GLCE: variants seen among roughly 807,000 people sequenced by gnomAD.
The protein encoded by GLCE is D-glucuronyl C5-epimerase.
A neutral mutation model predicts 47.9 loss-of-function variants in GLCE; 19 were observed. The ratio of observed to expected loss-of-function variants is 0.40; its 90% CI spans 0.28 to 0.58. GLCE has a LOEUF of 0.58. Ranked by LOEUF, GLCE falls within the 20% of genes least tolerant of loss-of-function variation. GLCE has a pLI of 0.48. For missense variants in GLCE, 556 were observed against 743.3 expected, an observed-to-expected ratio of 0.75 and a Z score of 2.93; for synonymous variants, 245 against 263.4, an observed-to-expected ratio of 0.93 and a Z score of 0.68.
intron 4 of GLCE, among the ~76,000 whole-genome samples, chr15:69,263,714 G>T (rs538007636): frequency 5.3e-5 from 8 of 152,030 alleles, no homozygotes; most frequent in Admixed American, 5.2e-4. Flanking sequence ...CAGGCTTCTT[G>T]GGAGCTTCTC....
At chr15:69,167,145 C>T (rs932557097) in intron 1 of GLCE, among the ~76,000 whole-genome samples, 5 of 151,868 alleles carry the variant, frequency 3.3e-5, no homozygotes, top group South Asian at 2.1e-4. Context: ...GAACCCGGGA[C>T]GCAGAGGTTG....
intron 2 of GLCE, among the ~76,000 whole-genome samples, chr15:69,220,022 T>TC (rs2140387713): frequency 6.6e-6 from 1 of 152,294 alleles, no homozygotes; most frequent in East Asian, 1.9e-4. Flanking sequence ...GTCCTCAAGG[T>TC]TCATCTATGT....
rs2053116995 is a variant in GLCE at position 69,268,435 on chromosome 15, A to T, written c.1045A>T (p.Thr349Ser). The T allele has an allele frequency of 1.2e-6, 2 of 1,613,938 alleles. No homozygotes were observed. Among genetic ancestry groups the T allele is most frequent in the South Asian group, 2.2e-5 (2 of 91,080 alleles). ...CATTGGGCCCAGAACTTCATGGAGC[A>T]CAGTTACCAGGGACCTGGTCACTGA... ...YGIGPRTSWS[T>S]VTRDLVTDLR... is the part of the protein sequence containing the mutation. The change falls in exon 5 of 5, where the codon ACA becomes TCA. Residue 349 changes from threonine to serine, a missense_variant. Thr to Ser is a moderately conservative substitution (Grantham distance 58). Coordinates refer to ENST00000261858, the MANE Select transcript of GLCE (RefSeq NM_015554.3).
At chr15:69,243,403 A>G (rs558013255) in intron 2 of GLCE, among the ~76,000 whole-genome samples, 1 of 152,166 alleles carries the variant, frequency 6.6e-6, no homozygotes, top group African/African-American at 2.4e-5. Flanking sequence ...ATAGTGTTGA[A>G]ATTTTTTATT....
chr15:69,218,813 G>A (rs907713501), intron 2 of GLCE, among the ~76,000 whole-genome samples: 1 of 152,068 alleles, frequency 6.6e-6, no homozygotes, highest in African/African-American at 2.4e-5. Context: ...CAAATTATCT[G>A]TGAATCAGAA....
intron 4 of GLCE, among the ~76,000 whole-genome samples, chr15:69,263,698 C>CT (rs2053045251): frequency 6.6e-6 from 1 of 152,062 alleles, no homozygotes; most frequent in Admixed American, 6.6e-5. Context: ...TGTAGCCATT[C>CT]TTTCTCAGGC....
chr15:69,270,681 A>C lies in GLCE; in HGVS notation c.*1437A>C, dbSNP rs1487615695. 2 of 152,164 alleles carry C rather than the reference A, an allele frequency of 1.3e-5. No homozygotes were observed. The highest frequency in any genetic ancestry group is 2.9e-5 in the Non-Finnish European group (2 of 68,016). The allele number at this position is 152,164 out of a possible 1,614,324, so 9.4% of individuals were successfully genotyped here. Reference sequence around the variant, plus strand: ...GTTACCTGCTTACACACTATATTTTAATTGAATTCAAACTATCAAGCACTA... The same window carrying C: ...GTTACCTGCTTACACACTATATTTTCATTGAATTCAAACTATCAAGCACTA... On this transcript the variant is annotated 3_prime_UTR_variant, in exon 5 of 5. Transcript: ENST00000261858.
intron 2 of GLCE, among the ~76,000 whole-genome samples, chr15:69,233,521 A>T (rs1333936969): frequency 6.6e-6 from 1 of 152,190 alleles, no homozygotes; most frequent in Non-Finnish European, 1.5e-5. Context: ...AATGGGGGGA[A>T]ACATTGATGT....
chr15:69,206,049 C>A (rs2052147310), intron 1 of GLCE, among the ~76,000 whole-genome samples: 1 of 152,084 alleles, frequency 6.6e-6, no homozygotes, highest in South Asian at 2.1e-4. Flanking sequence ...GTCTCCTGTT[C>A]TTGAATCCAT....
At chr15:69,198,613 G>A (rs1215886564) in intron 1 of GLCE, among the ~76,000 whole-genome samples, 3 of 152,148 alleles carry the variant, frequency 2.0e-5, no homozygotes, top group Non-Finnish European at 2.9e-5. Context: ...GAGCAAACAA[G>A]CAAGAGGGCA....
At chr15:69,176,690 C>T (rs988184259) in intron 1 of GLCE, among the ~76,000 whole-genome samples, 7 of 152,158 alleles carry the variant, frequency 4.6e-5, no homozygotes, top group Non-Finnish European at 8.8e-5. Context: ...CTTATCTTCA[C>T]GACATTCTAT....
At chr15:69,250,330 G>A (rs1238958964) in intron 2 of GLCE, among the ~76,000 whole-genome samples, 1 of 151,828 alleles carries the variant, frequency 6.6e-6, no homozygotes, top group Non-Finnish European at 1.5e-5. Flanking sequence ...AGTTAATACT[G>A]TATGTCAACA....
intron 1 of GLCE, among the ~76,000 whole-genome samples, chr15:69,184,954 A>G (rs1170978403): frequency 6.6e-6 from 1 of 152,182 alleles, no homozygotes; most frequent in African/African-American, 2.4e-5. Flanking sequence ...ATTCCTTCTC[A>G]TATCTGAGTC....
At chr15:69,181,354 G>A (rs1476306515) in intron 1 of GLCE, among the ~76,000 whole-genome samples, 5 of 152,292 alleles carry the variant, frequency 3.3e-5, no homozygotes, top group African/African-American at 2.4e-5. Context: ...AAGGGAGTAA[G>A]CATAAAGAGG....
intron 2 of GLCE, among the ~76,000 whole-genome samples, chr15:69,236,588 T>G (rs1452550393): frequency 1.3e-5 from 2 of 152,160 alleles, no homozygotes; most frequent in African/African-American, 2.4e-5. Flanking sequence ...CTTAAGAGAT[T>G]TTGGACAAGT....
At chr15:69,166,749 G>A (rs67141692) in intron 1 of GLCE, among the ~76,000 whole-genome samples, 76,653 of 150,244 alleles carry the variant, frequency 0.51, 22,880 homozygotes, top group Non-Finnish European at 0.65. Flanking sequence ...GTGAAACCCC[G>A]TCTCTACTAA....
intron 4 of GLCE, among the ~76,000 whole-genome samples, chr15:69,264,570 G>A (rs980797849): frequency 1.1e-4 from 16 of 152,158 alleles, no homozygotes; most frequent in Non-Finnish European, 5.9e-5. Context: ...TGGGATTGCT[G>A]GATCATATGG....
chr15:69,226,840 G>A (rs542416504), intron 2 of GLCE, among the ~76,000 whole-genome samples: 31 of 139,924 alleles, frequency 2.2e-4, no homozygotes, highest in African/African-American at 8.0e-4. Context: ...CGCCTCCCAG[G>A]TTCAAGCGAT....
intron 1 of GLCE, among the ~76,000 whole-genome samples, chr15:69,174,442 A>G (rs949734494): frequency 2.0e-5 from 3 of 151,960 alleles, no homozygotes; most frequent in Admixed American, 6.6e-5. Context: ...AAACCCCGTC[A>G]CTACTAAAAA....
Sources: gnomAD v4.1 joint callset for allele counts (sites outside exome capture counted in the v4.1 genomes callset) on GRCh38, gnomAD v4.1.1 for gene constraint, MANE v1.5 for transcripts, NCBI Gene and HGNC (gene_info 2026-07-23, HGNC 2026-07-21) for gene names.